Variants in TRPS1 observed in about 807,000 individuals in gnomAD.
TRPS1 encodes the protein zinc finger transcription factor Trps1.
Under a neutral mutation model 101.2 loss-of-function variants are expected in TRPS1, and 6 were observed. That is an observed-to-expected ratio of 0.06 (90% CI 0.03 to 0.12). The LOEUF is 0.12. TRPS1 is among the 10% of genes least tolerant of loss of function. The probability of loss-of-function intolerance (pLI) is 1.00; values close to 1 mark genes in which losing one functional copy is unlikely to be tolerated. For missense variants in TRPS1, 1,363 were observed against 1,567.0 expected (o/e 0.87, Z 2.20); for synonymous variants, 578 against 589.8 (o/e 0.98, Z 0.29).
At chr8:115,600,569 T>C (rs1421060585) in intron 4 of TRPS1, among the ~76,000 whole-genome samples, 1 of 152,128 alleles carries the variant, frequency 6.6e-6, no homozygotes, top group African/African-American at 2.4e-5. Flanking sequence ...AACATCGACA[T>C]TGGCATTTGC....
chr8:115,621,325 A>C (rs761044545), intron 2 of TRPS1, among the ~76,000 whole-genome samples: 2 of 152,324 alleles, frequency 1.3e-5, no homozygotes, highest in South Asian at 4.1e-4. Context: ...CTTCTTTGTT[A>C]GTTGACTTCG....
At chr8:115,556,506 A>G (rs1373176005) in intron 5 of TRPS1, among the ~76,000 whole-genome samples, 1 of 152,082 alleles carries the variant, frequency 6.6e-6, no homozygotes, top group South Asian at 2.1e-4. Flanking sequence ...TCCTTTATTT[A>G]TTCTGTGCTC....
intron 5 of TRPS1, among the ~76,000 whole-genome samples, chr8:115,515,581 C>T (rs1389548577): frequency 3.1e-4 from 2 of 6,400 alleles, no homozygotes; most frequent in East Asian, 7.4e-3. Context: ...GTTGATAAGA[C>T]ATTAAAAAAT....
chr8:115,495,351 T>C (rs1376295597), intron 5 of TRPS1, among the ~76,000 whole-genome samples: 1 of 151,994 alleles, frequency 6.6e-6, no homozygotes, highest in Admixed American at 6.6e-5. Flanking sequence ...GTTGTTCAAT[T>C]GCTCCCAAGG....
intron 5 of TRPS1, among the ~76,000 whole-genome samples, chr8:115,453,692 C>G (rs926128654): frequency 6.6e-6 from 1 of 152,180 alleles, no homozygotes; most frequent in Non-Finnish European, 1.5e-5. Flanking sequence ...TTCCGAAACA[C>G]CTTCAAAGAG....
At chr8:115,502,783 T>C (rs988829050) in intron 5 of TRPS1, among the ~76,000 whole-genome samples, 27 of 152,270 alleles carry the variant, frequency 1.8e-4, no homozygotes, top group African/African-American at 5.3e-4. Flanking sequence ...TGAAATGGCA[T>C]CTCATGTATT....
chr8:115,636,470 G>A (rs148389096), intron 1 of TRPS1, among the ~76,000 whole-genome samples: 371 of 152,144 alleles, frequency 2.4e-3, no homozygotes, highest in African/African-American at 8.3e-3. Context: ...ATTTAAATTC[G>A]AAGAGAAAAT....
At chr8:115,662,924 G>T (rs1811839180) in intron 1 of TRPS1, among the ~76,000 whole-genome samples, 1 of 151,902 alleles carries the variant, frequency 6.6e-6, no homozygotes, top group Non-Finnish European at 1.5e-5. Flanking sequence ...TTGCTAACAG[G>T]TGTCGCATTC....
chr8:115,440,193 G>A (rs557034186), intron 5 of TRPS1, among the ~76,000 whole-genome samples: 8 of 152,148 alleles, frequency 5.3e-5, no homozygotes, highest in Admixed American at 2.6e-4. Flanking sequence ...AAATTTTTAC[G>A]TACACCAAGT....
At chr8:115,662,285 G>GT (rs1811820349) in intron 1 of TRPS1, among the ~76,000 whole-genome samples, 1 of 151,806 alleles carries the variant, frequency 6.6e-6, no homozygotes, top group Admixed American at 6.6e-5. Context: ...TCTTCCTTGT[G>GT]TGACACTTAA....
chr8:115,463,761 C>A (rs1814248469), intron 5 of TRPS1, among the ~76,000 whole-genome samples: 1 of 151,918 alleles, frequency 6.6e-6, no homozygotes, highest in Non-Finnish European at 1.5e-5. Flanking sequence ...AAAGAGAATG[C>A]TCCCAGCTTG....
intron 5 of TRPS1, among the ~76,000 whole-genome samples, chr8:115,551,787 C>A (rs187036025): frequency 6.6e-6 from 1 of 152,008 alleles, no homozygotes; most frequent in African/African-American, 2.4e-5. Flanking sequence ...TGTTCAAAGG[C>A]GGAAGTAAAA....
chr8:115,558,823 A>C (rs1278924043), intron 5 of TRPS1, among the ~76,000 whole-genome samples: 3 of 152,162 alleles, frequency 2.0e-5, no homozygotes, highest in Non-Finnish European at 4.4e-5. Flanking sequence ...ATGATAAAAC[A>C]ACTGCTATAA....
intron 2 of TRPS1, among the ~76,000 whole-genome samples, chr8:115,622,228 T>A (rs879506957): frequency 1.3e-5 from 2 of 152,154 alleles, no homozygotes; most frequent in East Asian, 1.9e-4. Flanking sequence ...TTTTTTTTAA[T>A]GTTTGCATTT....
chr8:115,517,869 C>A (rs1206672626), intron 5 of TRPS1, among the ~76,000 whole-genome samples: 1 of 151,742 alleles, frequency 6.6e-6, no homozygotes, highest in Non-Finnish European at 1.5e-5. Context: ...CACTTTCAAT[C>A]CTGGTTGACT....
intron 5 of TRPS1, among the ~76,000 whole-genome samples, chr8:115,434,419 CAA>C (rs1001489687): frequency 4.6e-5 from 7 of 152,076 alleles, no homozygotes; most frequent in Non-Finnish European, 1.0e-4. Flanking sequence ...TGAATATTAG[CAA>C]AGAGGTTTTA....
chr8:115,499,964 T>C (rs201005198), intron 5 of TRPS1, among the ~76,000 whole-genome samples: 2 of 51,794 alleles, frequency 3.9e-5, no homozygotes, highest in African/African-American at 4.8e-5. Context: ...TCTTTCTTTC[T>C]TTTCTTTTCT....
rs370081252 is a variant in TRPS1, at chr8:115,567,393, A to AGG, written c.2700+19606_2700+19607dup. ...CTCAGGTCATTCACTGTTATTAGAA[A>AGG]GGGGGGTGGGGAAATCTGGCATTAC... On this transcript the variant is annotated intron_variant, in intron 5 of 6. Transcript: ENST00000395715. Among the ~76,000 whole-genome samples the AGG allele has an allele frequency of 5.4e-3, 828 of 152,132 alleles. 9 individuals carry two copies. The highest frequency in any genetic ancestry group is 0.019 in the African/African-American group (791 of 41,510).
chr8:115,492,409 G>A (rs1439451636), intron 5 of TRPS1, among the ~76,000 whole-genome samples: 10 of 151,948 alleles, frequency 6.6e-5, no homozygotes, highest in South Asian at 2.1e-4. Flanking sequence ...GCCACCAAAA[G>A]TTACTGAATA....
Sources: allele counts gnomAD v4.1 joint callset (sites outside exome capture counted in the v4.1 genomes callset), GRCh38; gene constraint gnomAD v4.1.1; transcripts MANE v1.5; gene names NCBI Gene and HGNC (gene_info 2026-07-23, HGNC 2026-07-21).